ACBD6: variants seen among roughly 807,000 people sequenced by gnomAD.
The protein encoded by ACBD6 is acyl-CoA-binding domain-containing protein 6.
In ACBD6, 28 loss-of-function variants were observed where a neutral mutation model predicts 37.2. The ratio of observed to expected loss-of-function variants is 0.75; its 90% CI spans 0.56 to 1.03. The LOEUF is 1.03. Among genes scored for constraint, ACBD6 ranks in the 50% least tolerant of loss-of-function variants. The pLI is 0.00. For synonymous variants in ACBD6, 113 were observed against 126.8 expected (o/e 0.89, Z 0.73); for missense variants, 340 against 337.4 (o/e 1.01, Z -0.06).
At chr1:180,360,447 G>A (rs1652803187) in intron 6 of ACBD6, among the ~76,000 whole-genome samples, 1 of 152,084 alleles carries the variant, frequency 6.6e-6, no homozygotes. Context: ...CCAACTGTGG[G>A]TCCCAGATCA....
At chr1:180,285,372 GC>G (rs1649452467), downstream of ACBD6, among the ~76,000 whole-genome samples, 1 of 152,048 alleles carries the variant, frequency 6.6e-6, no homozygotes, top group Non-Finnish European at 1.5e-5. Context: ...GAAAATAGGT[GC>G]ATCTCAGAAC....
intron 3 of ACBD6, among the ~76,000 whole-genome samples, chr1:180,482,344 AGAAAG>A (rs1229950960): frequency 6.6e-6 from 1 of 152,202 alleles, no homozygotes; most frequent in Non-Finnish European, 1.5e-5. Context: ...CTGGAACTAA[AGAAAG>A]GAGAGTGTCA....
chr1:180,424,950 T>C (rs1480647264), intron 4 of ACBD6, among the ~76,000 whole-genome samples: 2 of 152,208 alleles, frequency 1.3e-5, no homozygotes, highest in Non-Finnish European at 2.9e-5. Flanking sequence ...CAACAGTTAC[T>C]GTTTATGTCA....
At chr1:180,347,844 G>C (rs1263373947) in intron 6 of ACBD6, among the ~76,000 whole-genome samples, 1 of 151,934 alleles carries the variant, frequency 6.6e-6, no homozygotes, top group Non-Finnish European at 1.5e-5. Context: ...GGTGGCGGGC[G>C]CCTGTAGCTA....
chr1:180,419,209 C>T (rs1040604028), intron 4 of ACBD6, among the ~76,000 whole-genome samples: 8 of 152,104 alleles, frequency 5.3e-5, no homozygotes, highest in African/African-American at 1.9e-4. Context: ...AGAGATCGCG[C>T]CACTGCACTC....
chr1:180,422,783 C>T (rs1259529738), intron 4 of ACBD6, among the ~76,000 whole-genome samples: 4 of 152,204 alleles, frequency 2.6e-5, no homozygotes, highest in South Asian at 4.1e-4. Context: ...TACTGTTATA[C>T]GCAGTTTACT....
rs74132846 is a variant in ACBD6 at position 180,435,764 on chromosome 1, T to A, written c.385-5502A>T. 6.8e-5 allele frequency: 58 copies of A among 855,124 alleles called. No homozygotes were observed. In the African/African-American group the frequency reaches 7.6e-4, roughly 11 times the overall value. The allele number at this position is 855,124 out of a possible 1,614,324, so 53.0% of individuals were successfully genotyped here. ...CACGCACTTCAGAATAGCAGCCAAGTATCAGATTGACTCTGACAGCTGCTT... is the reference window on the plus strand; with the variant it reads ...CACGCACTTCAGAATAGCAGCCAAGAATCAGATTGACTCTGACAGCTGCTT... On this transcript the variant is annotated intron_variant, in intron 3 of 7. Coordinates refer to ENST00000367595, the MANE Select transcript of ACBD6 (RefSeq NM_032360.4).
At chr1:180,344,537 T>C (rs6684596) in intron 6 of ACBD6, among the ~76,000 whole-genome samples, 9,998 of 152,276 alleles carry the variant, frequency 0.066, 811 homozygotes, top group East Asian at 0.29. Flanking sequence ...AAAGAACACT[T>C]ATCTAGAATG....
rs559812806 is a variant in ACBD6, at chr1:180,274,675, A to G, written c.*912T>C. On this transcript the variant is annotated 3_prime_UTR_variant, in exon 10 of 14. Transcript: ENST00000642319. Reference sequence around the variant, plus strand: ...CCTTTTAAGGATCGAAAGTACGCCAATGTGAATTTCCATTATTTTCAATGG... The same window carrying G: ...CCTTTTAAGGATCGAAAGTACGCCAGTGTGAATTTCCATTATTTTCAATGG... 14 of 1,369,428 alleles carry G rather than the reference A, an allele frequency of 1.0e-5. No homozygotes were observed. The Admixed American group carries it at 2.5e-4, about 24-fold the overall frequency. 84.8% of individuals were successfully genotyped at this position (1,369,428 alleles called of 1,614,324 possible).
intron 6 of ACBD6, among the ~76,000 whole-genome samples, chr1:180,364,600 C>A (rs1489265599): frequency 6.6e-6 from 1 of 152,132 alleles, no homozygotes; most frequent in African/African-American, 2.4e-5. Flanking sequence ...CTTTCTGAAA[C>A]AGAATAGGCT....
At chr1:180,346,554 G>A (rs750208405) in intron 6 of ACBD6, among the ~76,000 whole-genome samples, 3 of 152,152 alleles carry the variant, frequency 2.0e-5, no homozygotes, top group Non-Finnish European at 4.4e-5. Context: ...TAAGGAGAGG[G>A]ATGGTGTCTA....
chr1:180,496,758 G>A (rs965820951), intron 1 of ACBD6, among the ~76,000 whole-genome samples: 6 of 152,106 alleles, frequency 3.9e-5, no homozygotes, highest in African/African-American at 1.4e-4. Context: ...CATAGAAGCA[G>A]CCCTGTTATG....
chr1:180,397,827 TG>T, intron 5 of ACBD6, among the ~76,000 whole-genome samples: 1 of 152,034 alleles, frequency 6.6e-6, no homozygotes, highest in Non-Finnish European at 1.5e-5. Flanking sequence ...CCGAGGTGGG[TG>T]GATCACTTGA....
At chr1:180,309,767 T>G (rs1650515697) in intron 7 of ACBD6, among the ~76,000 whole-genome samples, 1 of 152,194 alleles carries the variant, frequency 6.6e-6, no homozygotes. Context: ...GAAGAGTTTA[T>G]TTTTCCTCTT....
chr1:180,387,839 G>A (rs1203810837), intron 6 of ACBD6, among the ~76,000 whole-genome samples: 1 of 152,056 alleles, frequency 6.6e-6, no homozygotes, highest in Non-Finnish European at 1.5e-5. Context: ...TCTGGGTTGT[G>A]GGCTTCTCCA....
chr1:180,473,176 G>A (rs897206874), intron 3 of ACBD6, among the ~76,000 whole-genome samples: 46 of 152,292 alleles, frequency 3.0e-4, no homozygotes, highest in African/African-American at 1.0e-3. Context: ...GGCCGGGCAC[G>A]GTGGCTCACG....
At chr1:180,418,568 T>C in intron 4 of ACBD6, among the ~76,000 whole-genome samples, 1 of 151,688 alleles carries the variant, frequency 6.6e-6, no homozygotes, top group African/African-American at 2.4e-5. Flanking sequence ...AGAAAGATCC[T>C]GTCTCTTAAA....
chr1:180,304,785 A>G (rs1018847240), intron 7 of ACBD6, among the ~76,000 whole-genome samples: 13 of 148,012 alleles, frequency 8.8e-5, no homozygotes, highest in African/African-American at 3.2e-4. Flanking sequence ...AAAAGAGCCC[A>G]CATTGCCAAG....
intron 3 of ACBD6, among the ~76,000 whole-genome samples, chr1:180,460,876 G>A (rs1380596962): frequency 6.6e-6 from 1 of 152,204 alleles, no homozygotes; most frequent in African/African-American, 2.4e-5. Context: ...TCCAGCAAGG[G>A]TTCGGACTGT....
Sources: allele counts gnomAD v4.1 joint callset (sites outside exome capture counted in the v4.1 genomes callset), GRCh38; gene constraint gnomAD v4.1.1; transcripts MANE v1.5; gene names NCBI Gene and HGNC (gene_info 2026-07-23, HGNC 2026-07-21).